Variants in PCDHGA5 observed in about 807,000 individuals in gnomAD.
PCDHGA5 encodes protocadherin gamma-A5.
In PCDHGA5, 36 loss-of-function variants were observed where a neutral mutation model predicts 56.7. The ratio of observed to expected loss-of-function variants is 0.64; its 90% CI spans 0.49 to 0.84. The LOEUF is 0.84. PCDHGA5 is among the 40% of genes least tolerant of loss of function. The pLI, the probability that PCDHGA5 is intolerant of heterozygous loss-of-function variation, is 0.00. For synonymous variants in PCDHGA5, 563 were observed against 520.2 expected (o/e 1.08, Z -1.12); for missense variants, 1,305 against 1,201.5 (o/e 1.09, Z -1.27).
intron 1 of PCDHGA5, among the ~76,000 whole-genome samples, chr5:141,469,340 G>A (rs1412181099): frequency 6.6e-6 from 1 of 152,138 alleles, no homozygotes; most frequent in Non-Finnish European, 1.5e-5. Context: ...ACTTTGGGAG[G>A]CTGAGGTGGA....
At chr5:141,510,917 C>A in intron 3 of PCDHGA5, 30 bp from the exon 4 acceptor site, 2 of 1,613,854 alleles carry the variant, frequency 1.2e-6, no homozygotes, top group Non-Finnish European at 8.5e-7. Flanking sequence ...CTAAGTTTAG[C>A]TCCCACCTGA....
intron 1 of PCDHGA5, chr5:141,399,064 A>G: frequency 1.2e-6 from 2 of 1,613,762 alleles, no homozygotes; most frequent in Non-Finnish European, 1.7e-6. Flanking sequence ...GGAATATTCA[A>G]TGGTTGTAGA....
At chr5:141,400,511 C>G (rs1456963604) in intron 1 of PCDHGA5, 1 of 1,613,824 alleles carries the variant, frequency 6.2e-7, no homozygotes, top group African/African-American at 1.3e-5. Context: ...GAGTCGACTT[C>G]CCATCCTGAG....
rs561614642 is a variant in PCDHGA5, at chr5:141,366,743, C to T, written c.2413C>T (p.Arg805Ter). The change falls in exon 1 of 4, where the codon CGA becomes TGA. Residue 805 changes from arginine (R) to a stop codon, truncating the protein, a stop_gained. Transcript: ENST00000518069. LOFTEE classifies it high-confidence loss of function. Reference protein sequence around the residue: ...DKVDANKEERRVQQAPPNTDW... With the variant: ...DKVDANKEER ...GGTAGATGCAAACAAAGAAGAACGG[C>T]GAGTTCAGGTTAGTTTTCTCTTTCG... 3 of 1,611,598 alleles carry T rather than the reference C, an allele frequency of 1.9e-6. No homozygotes were observed. The highest frequency in any genetic ancestry group is 2.2e-5 in the East Asian group (1 of 44,834).
intron 1 of PCDHGA5, chr5:141,420,931 AATC>A: frequency 2.7e-6 from 1 of 369,128 alleles, no homozygotes; most frequent in African/African-American, 2.1e-5. Context: ...AGGTGAGCGT[AATC>A]ATTTCTTCTG....
rs1764329842 is a variant in PCDHGA5 at position 141,366,104 on chromosome 5, G to T, written c.1774G>T (p.Val592Leu). The part of the protein sequence containing the change: ...AEPGYLVTKV[V>L]AVDKDSGQNA... ...ACCTGGCTACCTGGTGACCAAGGTG[G>T]TAGCGGTGGACAAAGATTCAGGCCA... The change falls in exon 1 of 4, where the codon GTA becomes TTA. Residue 592 changes from valine (V) to leucine (L), a missense_variant. Coordinates refer to ENST00000518069, the MANE Select transcript of PCDHGA5 (RefSeq NM_018918.3). 6.2e-7 allele frequency: 1 copy of T among 1,614,250 alleles called. No individual in the cohort carries two copies. The highest frequency in any genetic ancestry group is 8.5e-7 in the Non-Finnish European group (1 of 1,180,054).
chr5:141,413,371 C>G (rs752898022), intron 1 of PCDHGA5: 1 of 1,613,966 alleles, frequency 6.2e-7, no homozygotes, highest in Non-Finnish European at 8.5e-7. Context: ...GCTGGCGGAG[C>G]GCGGAGTCCG....
At position 141,394,947 on chromosome 5, in the gene PCDHGA5, C is replaced by T. The variant is rs536743847; in HGVS notation, c.2421+28196C>T. The T allele has an allele frequency of 1.7e-5, 27 of 1,613,892 alleles. No homozygotes were observed. In the African/African-American group the frequency reaches 2.8e-4, roughly 17 times the overall value. Reference sequence around the variant, plus strand: ...CTTCCTCGCCTTTGTCGCTGTGCTTCTGGGGCTCAGGCTGAGGCGCTGGCA... The same window carrying T: ...CTTCCTCGCCTTTGTCGCTGTGCTTTTGGGGCTCAGGCTGAGGCGCTGGCA... On this transcript the variant is annotated intron_variant, in intron 1 of 3. Coordinates refer to ENST00000518069, the MANE Select transcript of PCDHGA5 (RefSeq NM_018918.3).
intron 1 of PCDHGA5, among the ~76,000 whole-genome samples, chr5:141,480,976 T>G (rs1485868136): frequency 6.6e-6 from 1 of 152,108 alleles, no homozygotes; most frequent in Non-Finnish European, 1.5e-5. Context: ...GGAGAATCAG[T>G]GAACCCAGGA....
intron 2 of PCDHGA5, among the ~76,000 whole-genome samples, chr5:141,504,490 TGC>T (rs2099838709): frequency 6.6e-6 from 1 of 152,056 alleles, no homozygotes; most frequent in Non-Finnish European, 1.5e-5. Flanking sequence ...TGGAGGCACC[TGC>T]CCAGTCTGAG....
chr5:141,420,009 A>T, intron 1 of PCDHGA5: 1 of 1,614,088 alleles, frequency 6.2e-7, no homozygotes, highest in Non-Finnish European at 8.5e-7. Context: ...CGCCTGCGAC[A>T]GTCTTTCAGC....
At chr5:141,505,259 C>T in intron 2 of PCDHGA5, 134 bp from the exon 3 acceptor site, 2 of 1,500,262 alleles carry the variant, frequency 1.3e-6, no homozygotes, top group Admixed American at 2.0e-5. Flanking sequence ...GTGCCTCCTA[C>T]CTTGCTGAGA....
At chr5:141,497,503 C>CTGCTTCCT (rs1042765123) in intron 2 of PCDHGA5, among the ~76,000 whole-genome samples, 57 of 151,054 alleles carry the variant, frequency 3.8e-4, no homozygotes, top group African/African-American at 1.4e-3. Flanking sequence ...TCTCCTCTCT[C>CTGCTTCCT]TGCTTCCTTA....
rs2099615817 is a variant in PCDHGA5 at position 141,485,564 on chromosome 5, C to G, written c.2422-9243C>G. On this transcript the variant is annotated intron_variant, in intron 1 of 3. Coordinates refer to ENST00000518069, the MANE Select transcript of PCDHGA5 (RefSeq NM_018918.3). This position sits in a 1 kb window ranked among gnomAD's most constrained non-coding sequence, Gnocchi z 5.7. ...GATCGTAGATGTGAATGATCACGCCCCCCGTTTTCCGCGGCAGCAGCTGGA... is the reference window on the plus strand; with the variant it reads ...GATCGTAGATGTGAATGATCACGCCGCCCGTTTTCCGCGGCAGCAGCTGGA... 6.2e-7 allele frequency: 1 copy of G among 1,612,958 alleles called. No individual in the cohort carries two copies. The highest frequency in any genetic ancestry group is 8.5e-7 in the Non-Finnish European group (1 of 1,179,052).
In PCDHGA5 at chr5:141,364,892, G is replaced by A; in HGVS notation, c.562G>A (p.Gly188Arg). The change falls in exon 1 of 4, where the codon GGA (glycine) becomes AGA (arginine). Residue 188 changes from glycine (G) to arginine (R), a missense_variant. Physicochemically the swap from Gly to Arg is moderately radical, Grantham distance 125. Coordinates refer to ENST00000518069, the MANE Select transcript of PCDHGA5 (RefSeq NM_018918.3). ...TCTGGATGTGGTAAGCGGAACTGATGGACAAAAGTATCCGGAGCTGGTGTT... is the reference window on the plus strand; with the variant it reads ...TCTGGATGTGGTAAGCGGAACTGATAGACAAAAGTATCCGGAGCTGGTGTT... ...FSLDVVSGTDGQKYPELVLEQ... is the reference protein window; with the variant it reads ...FSLDVVSGTDRQKYPELVLEQ... 1 of 1,613,984 alleles carries A rather than the reference G, an allele frequency of 6.2e-7. No individual in the cohort carries two copies. The highest frequency in any genetic ancestry group is 1.1e-5 in the South Asian group (1 of 91,082).
At chr5:141,399,785 A>G (rs748714301) in intron 1 of PCDHGA5, 6 of 1,613,294 alleles carry the variant, frequency 3.7e-6, no homozygotes, top group South Asian at 1.1e-5. Context: ...GACCGAAACG[A>G]CAACGCACCG....
At chr5:141,478,161 C>T (rs201111122) in intron 1 of PCDHGA5, 20 of 1,613,852 alleles carry the variant, frequency 1.2e-5, no homozygotes, top group Admixed American at 3.3e-5. Context: ...TCTGGCTCTG[C>T]CCCCCGGGAG....
rs1421246315 is a variant in PCDHGA5 at position 141,491,880 on chromosome 5, G to A, written c.2422-2927G>A. The A allele has an allele frequency of 1.1e-5, 16 of 1,449,714 alleles. No homozygotes were observed. The highest frequency in any genetic ancestry group is 1.5e-5 in the Non-Finnish European group (16 of 1,096,892). 89.8% of individuals were successfully genotyped at this position (1,449,714 alleles called of 1,614,324 possible). A position where few individuals can be genotyped will look rare whatever the true frequency, so the allele number is the denominator to read the frequency against. ...GCGAAACCAGAGTGGCCGATTAAGGGATGGGGCTCCGAGCACCGGGGGTGG... is the reference window on the plus strand; with the variant it reads ...GCGAAACCAGAGTGGCCGATTAAGGAATGGGGCTCCGAGCACCGGGGGTGG... On this transcript the variant is annotated intron_variant, in intron 1 of 3. Coordinates refer to ENST00000518069, the MANE Select transcript of PCDHGA5 (RefSeq NM_018918.3). The surrounding 1 kb of genome is among the most constrained non-coding windows in gnomAD (Gnocchi z 6.9).
At chr5:141,481,638 T>G (rs1465682432) in intron 1 of PCDHGA5, among the ~76,000 whole-genome samples, 1 of 152,014 alleles carries the variant, frequency 6.6e-6, no homozygotes, top group Admixed American at 6.6e-5. Context: ...GCCAACATGG[T>G]GAAACTTCAT....
Sources: allele counts gnomAD v4.1 joint callset (sites outside exome capture counted in the v4.1 genomes callset), GRCh38; gene constraint gnomAD v4.1.1; non-coding constraint Gnocchi (gnomAD v3.1); transcripts MANE v1.5; gene names NCBI Gene and HGNC (gene_info 2026-07-23, HGNC 2026-07-21).